The following AGXT variants were observed in gnomAD, a reference collection of about 807,000 sequenced individuals.
AGXT encodes the protein L-alanine: glyoxylate aminotransferase 1.
A neutral mutation model predicts 46.9 loss-of-function variants in AGXT; 41 were observed. The observed-to-expected ratio is 0.88, with a 90% CI of 0.68 to 1.14. The LOEUF is 1.14. Among genes scored for constraint, AGXT ranks in the 50% most tolerant of loss-of-function variants. The pLI is 0.00. For synonymous variants in AGXT, 244 were observed against 227.9 expected (o/e 1.07, Z -0.64); for missense variants, 525 against 522.7 (o/e 1.00, Z -0.04).
At position 240,879,162 on chromosome 2, in the gene AGXT, T is replaced by A; in HGVS notation, c.*341T>A. ...TGAAAGAGTGAGAGGAGAGCATCTC[T>A]GCTCCCTGAGCTGCCTGATTGTGGA... On this transcript the variant is annotated 3_prime_UTR_variant, in exon 11 of 11. Transcript: ENST00000307503. 1 of 417,600 alleles carries A rather than the reference T, an allele frequency of 2.4e-6. No individual in the cohort carries two copies. The highest frequency in any genetic ancestry group is 4.5e-6 in the Non-Finnish European group (1 of 223,614). 25.9% of individuals were successfully genotyped at this position (417,600 alleles called of 1,614,324 possible).
In AGXT at chr2:240,874,019, G is replaced by A. The variant is rs1200591457; in HGVS notation, c.637G>A (p.Ala213Thr). ...LYSGSQKALN[A>T]PPGTSLISFS... ...CTCGGGCTCCCAGAAGGCCCTGAAC[G>A]CCCCTCCAGGGACCTCGCTCATCTC... Residue 213 changes from alanine (A) to threonine (T), a missense_variant, in exon 6 of 11, where the codon GCC becomes ACC. By Grantham distance (58) the Ala-to-Thr change is moderately conservative. Coordinates refer to ENST00000307503, the MANE Select transcript of AGXT (RefSeq NM_000030.3). 6 of 1,613,694 alleles carry A rather than the reference G, an allele frequency of 3.7e-6. No individual in the cohort carries two copies. The highest frequency in any genetic ancestry group is 2.2e-5 in the East Asian group (1 of 44,866).
rs117984859 is a variant in AGXT, at chr2:240,869,463, G to A, written c.358+101G>A. On this transcript the variant is annotated intron_variant, in intron 2 of 10. Coordinates refer to ENST00000307503, the MANE Select transcript of AGXT (RefSeq NM_000030.3). ...TGGCAGCCCCCGTTCCTGGGTGAGC[G>A]CTTACCCACCTTGTGGCCCTGTGCG... is the stretch of plus-strand genomic sequence containing the variant. 4.5e-3 allele frequency: 6,075 copies of A among 1,355,222 alleles called. 180 individuals are homozygous for A. In the East Asian group the frequency reaches 0.075, roughly 17 times the overall value. 83.9% of individuals were successfully genotyped at this position (1,355,222 alleles called of 1,614,324 possible). A position where few individuals can be genotyped will look rare whatever the true frequency, so the allele number is the denominator to read the frequency against.
intron 4 of AGXT, among the ~76,000 whole-genome samples, 161 bp downstream of exon 4, chr2:240,871,610 G>A (rs2058991270): frequency 2.0e-5 from 3 of 152,188 alleles, no homozygotes; most frequent in Admixed American, 6.5e-5. Flanking sequence ...TTTGCTCTGG[G>A]CTGAGTCTAA....
intron 5 of AGXT, 29 bp from the exon 6 acceptor site, chr2:240,873,949 C>A: frequency 6.2e-7 from 1 of 1,606,088 alleles, no homozygotes; most frequent in Non-Finnish European, 8.5e-7. Flanking sequence ...GTGGGACTCA[C>A]CCGTCCCGAG....
rs2059054421 is a variant in AGXT, at chr2:240,880,319, G to T, written c.*1498G>T. On this transcript the variant is annotated 3_prime_UTR_variant, in exon 11 of 11. Transcript: ENST00000307503. ...TTTTTGCTAGGGGGTGTAAAATCCT[G>T]TCTGATTTGGTTTTAGTTTGCATTT... 1.3e-5 allele frequency: 2 copies of T among 152,062 alleles called. No individual in the cohort carries two copies. The highest frequency in any genetic ancestry group is 4.8e-5 in the African/African-American group (2 of 41,386). The allele number at this position is 152,062 out of a possible 1,614,324, so 9.4% of individuals were successfully genotyped here. A position where few individuals can be genotyped will look rare whatever the true frequency, so the allele number is the denominator to read the frequency against.
At chr2:240,872,485 CGG>C in intron 4 of AGXT, among the ~76,000 whole-genome samples, 1 of 131,580 alleles carries the variant, frequency 7.6e-6, no homozygotes, top group African/African-American at 2.9e-5. Context: ...AACATGGAGG[CGG>C]AGGAGGGTGA....
At position 240,868,829 on chromosome 2, in the gene AGXT, A is replaced by C; in HGVS notation, c.-37A>C. The C allele has an allele frequency of 6.3e-7, 1 of 1,596,706 alleles. No individual in the cohort carries two copies. Among genetic ancestry groups the C allele is most frequent in the Non-Finnish European group, 8.5e-7 (1 of 1,171,672 alleles). On this transcript the variant is annotated 5_prime_UTR_variant, in exon 1 of 11. Transcript: ENST00000307503. Reference sequence around the variant, plus strand: ...TCCAGGCTTTGGCCAAGGCCAGTGCAGCCCCAGGTTCCCGAGCGGCAGGTT... The same window carrying C: ...TCCAGGCTTTGGCCAAGGCCAGTGCCGCCCCAGGTTCCCGAGCGGCAGGTT...
At chr2:240,871,595 T>C (rs2058991179) in intron 4 of AGXT, 146 bp downstream of exon 4, 1 of 773,508 alleles carries the variant, frequency 1.3e-6, no homozygotes, top group East Asian at 2.7e-5. Context: ...ACCTCCCAGG[T>C]CCTCTTTGCT....
At position 240,868,860 on chromosome 2, in the gene AGXT, C is replaced by A. The variant is rs775983584; in HGVS notation, c.-6C>A. 6.2e-7 allele frequency: 1 copy of A among 1,606,210 alleles called. No individual in the cohort carries two copies. The highest frequency in any genetic ancestry group is 8.5e-7 in the Non-Finnish European group (1 of 1,177,278). On this transcript the variant is annotated 5_prime_UTR_variant, in exon 1 of 11. Coordinates refer to ENST00000307503, the MANE Select transcript of AGXT (RefSeq NM_000030.3). ...AGGTTCCCGAGCGGCAGGTTGGGTGCGGACCATGGCCTCTCACAAGCTGCT... is the reference window on the plus strand; with the variant it reads ...AGGTTCCCGAGCGGCAGGTTGGGTGAGGACCATGGCCTCTCACAAGCTGCT...
At chr2:240,875,034 G>A in intron 6 of AGXT, 75 bp from the exon 7 acceptor site, 1 of 1,346,152 alleles carries the variant, frequency 7.4e-7, no homozygotes, top group Non-Finnish European at 1.1e-6. Context: ...CCGTGAAACA[G>A]GACAGCCAGC....
In AGXT at chr2:240,868,833, C is replaced by T. The variant is rs750594243; in HGVS notation, c.-33C>T. 7.5e-6 allele frequency: 12 copies of T among 1,599,832 alleles called. No individual in the cohort carries two copies. Among genetic ancestry groups the T allele is most frequent in the Middle Eastern group, 1.7e-4 (1 of 6,040 alleles). On this transcript the variant is annotated 5_prime_UTR_variant, in exon 1 of 11. Coordinates refer to ENST00000307503, the MANE Select transcript of AGXT (RefSeq NM_000030.3). Reference sequence around the variant, plus strand: ...GGCTTTGGCCAAGGCCAGTGCAGCCCCAGGTTCCCGAGCGGCAGGTTGGGT... The same window carrying T: ...GGCTTTGGCCAAGGCCAGTGCAGCCTCAGGTTCCCGAGCGGCAGGTTGGGT...
In AGXT at chr2:240,879,399, C is replaced by T. The variant is rs1050100032; in HGVS notation, c.*578C>T. On this transcript the variant is annotated 3_prime_UTR_variant, in exon 11 of 11. Transcript: ENST00000307503. ...GGAGAGCGCACAGCCAGGACCTGAG[C>T]CCATGACACGTGGAAGCCTCCAATG... 1.3e-5 allele frequency: 2 copies of T among 158,850 alleles called. No homozygotes were observed. Among genetic ancestry groups the T allele is most frequent in the African/African-American group, 4.8e-5 (2 of 41,540 alleles). The allele number at this position is 158,850 out of a possible 1,614,324, so 9.8% of individuals were successfully genotyped here.
At position 240,869,281 on chromosome 2, in the gene AGXT, G is replaced by A. The variant is rs749562164; in HGVS notation, c.277G>A (p.Val93Met). 1.2e-6 allele frequency: 2 copies of A among 1,613,662 alleles called. No individual in the cohort carries two copies. The highest frequency in any genetic ancestry group is 1.1e-5 in the South Asian group (1 of 91,076). ...HCALEAALVN[V>M]LEPGDSFLVG... ...TGCCCTGGAGGCCGCCCTGGTCAAT[G>A]TGCTGGAGCCTGGGGACTCCTTCCT... Residue 93 changes from valine to methionine, a missense_variant, in exon 2 of 11, where the codon GTG (valine) becomes ATG (methionine). Physicochemically the swap from Val to Met is conservative, Grantham distance 21 (BLOSUM62 1). Coordinates refer to ENST00000307503, the MANE Select transcript of AGXT (RefSeq NM_000030.3).
chr2:240,878,705 G>T lies in AGXT; in HGVS notation c.1072-9G>T. ...GGAGGCTGACGTCAGCCCGCCCTGT[G>T]CCCCCCAGGTGCTGCGGATCGGCCT... is the stretch of plus-strand genomic sequence containing the variant. On this transcript the variant is annotated splice_polypyrimidine_tract_variant and intron_variant, in intron 10 of 10. Coordinates refer to ENST00000307503, the MANE Select transcript of AGXT (RefSeq NM_000030.3). 6.5e-7 allele frequency: 1 copy of T among 1,548,150 alleles called. No homozygotes were observed.
chr2:240,875,273 C>A, intron 7 of AGXT, 69 bp downstream of exon 7: 1 of 1,322,636 alleles, frequency 7.6e-7, no homozygotes, highest in South Asian at 1.2e-5. Context: ...GCTGGCCTCT[C>A]ACTGCACTCA....
chr2:240,875,918 C>A lies in AGXT; in HGVS notation c.777-17C>A, dbSNP rs112319664. The stretch of plus-strand genomic sequence containing the variant: ...CCCTGCCCATGGTGCTGGACCAAGC[C>A]CCCTCGTGTCTTCCAGGTACCATCA... On this transcript the variant is annotated splice_polypyrimidine_tract_variant and intron_variant, in intron 7 of 10. Coordinates refer to ENST00000307503, the MANE Select transcript of AGXT (RefSeq NM_000030.3). The A allele has an allele frequency of 1.3e-4, 205 of 1,614,106 alleles. 6 individuals carry two copies. In the African/African-American group the frequency reaches 2.0e-3, roughly 16 times the overall value.
chr2:240,873,976 A>G lies in AGXT; in HGVS notation c.596-2A>G, dbSNP rs180177245. ...CGTCCCGAGCAAACCACCCATCTACAGGCATCGACATCCTGTACTCGGGCT... is the reference window on the plus strand; with the variant it reads ...CGTCCCGAGCAAACCACCCATCTACGGGCATCGACATCCTGTACTCGGGCT... On this transcript the variant is annotated splice_acceptor_variant, in intron 5 of 10. Coordinates refer to ENST00000307503, the MANE Select transcript of AGXT (RefSeq NM_000030.3). LOFTEE classifies it high-confidence loss of function. The G allele has an allele frequency of 3.7e-6, 6 of 1,613,440 alleles. No individual in the cohort carries two copies. The South Asian group carries it at 6.6e-5, about 18-fold the overall frequency.
intron 2 of AGXT, 24 bp downstream of exon 2, chr2:240,869,386 A>C (rs368731282): frequency 8.5e-5 from 132 of 1,544,590 alleles, no homozygotes; most frequent in Middle Eastern, 2.0e-4. Flanking sequence ...CCAGGTGGGG[A>C]TGGCCCTGGA....
In AGXT at chr2:240,879,554, G is replaced by C. The variant is rs4675876; in HGVS notation, c.*733G>C. On this transcript the variant is annotated 3_prime_UTR_variant, in exon 11 of 11. Transcript: ENST00000307503. ...AACGGAGTTTCACTCTTGTTGCCCA[G>C]GCTGGAGTGCAGTGGCACGATCTCA... The C allele has an allele frequency of 0.021, 3,155 of 152,674 alleles. 244 individuals carry two copies. In the East Asian group the frequency reaches 0.25, roughly 12 times the overall value. The allele number at this position is 152,674 out of a possible 1,614,324, so 9.5% of individuals were successfully genotyped here.
Sources: allele counts gnomAD v4.1 joint callset (sites outside exome capture counted in the v4.1 genomes callset), GRCh38; gene constraint gnomAD v4.1.1; transcripts MANE v1.5; gene names NCBI Gene and HGNC (gene_info 2026-07-23, HGNC 2026-07-21).